KCNK2: variants seen among roughly 807,000 people sequenced by gnomAD.
The protein encoded by KCNK2 is potassium channel subfamily K member 2.
In KCNK2, 21 loss-of-function variants were observed where a neutral mutation model predicts 40.5. That is an observed-to-expected ratio of 0.52 (90% CI 0.37 to 0.75). The LOEUF (loss-of-function observed/expected upper bound fraction) is 0.75, where lower values mean the gene tolerates loss of function less well. KCNK2 is among the 30% of genes least tolerant of loss of function. KCNK2 has a pLI of 0.00. For synonymous variants in KCNK2, 191 were observed against 202.2 expected (o/e 0.94, Z 0.47); for missense variants, 399 against 531.6 (o/e 0.75, Z 2.45).
At chr1:215,056,468 A>G (rs562575879) in intron 1 of KCNK2, among the ~76,000 whole-genome samples, 3 of 139,286 alleles carry the variant, frequency 2.2e-5, no homozygotes, top group East Asian at 4.5e-4. Context: ...TTGTACCACT[A>G]TACTCCAGGC....
At chr1:215,150,721 T>C (rs1187125605) in intron 3 of KCNK2, among the ~76,000 whole-genome samples, 1 of 152,076 alleles carries the variant, frequency 6.6e-6, no homozygotes, top group Non-Finnish European at 1.5e-5. Context: ...TTCAGCTATT[T>C]TACTAAGCTT....
intron 6 of KCNK2, among the ~76,000 whole-genome samples, chr1:215,229,500 C>T (rs531441339): frequency 1.3e-5 from 2 of 151,484 alleles, no homozygotes; most frequent in Non-Finnish European, 1.5e-5. Context: ...TCTATCTGTA[C>T]AAAAAATTAA....
chr1:215,072,398 G>T (rs765657604), intron 1 of KCNK2, among the ~76,000 whole-genome samples: 73 of 152,180 alleles, frequency 4.8e-4, no homozygotes, highest in Non-Finnish European at 9.6e-4. Context: ...CTGCAACCAG[G>T]AGAACTTAAG....
chr1:215,172,244 A>G (rs949336633), intron 5 of KCNK2, 61 bp downstream of exon 5: 12 of 1,435,242 alleles, frequency 8.4e-6, no homozygotes, highest in South Asian at 2.6e-5. Context: ...TAGATTTTTC[A>G]CTTAGGTTTA....
At chr1:215,175,116 G>T (rs977033947) in intron 5 of KCNK2, among the ~76,000 whole-genome samples, 22 of 152,236 alleles carry the variant, frequency 1.4e-4, no homozygotes, top group Admixed American at 1.1e-3. Flanking sequence ...GTCATAAATA[G>T]CTGTTATTAT....
At chr1:215,110,780 C>T (rs2102562563) in intron 2 of KCNK2, among the ~76,000 whole-genome samples, 1 of 152,206 alleles carries the variant, frequency 6.6e-6, no homozygotes, top group Middle Eastern at 3.4e-3. Flanking sequence ...TCTCCATCAT[C>T]AACATCCTTC....
chr1:215,053,399 G>T (rs1658054628), intron 1 of KCNK2, among the ~76,000 whole-genome samples: 1 of 152,146 alleles, frequency 6.6e-6, no homozygotes, highest in Non-Finnish European at 1.5e-5. Context: ...TAGGACCCGG[G>T]TTTAGCCATT....
At chr1:215,139,750 A>G (rs1019927042) in intron 3 of KCNK2, among the ~76,000 whole-genome samples, 50 of 152,154 alleles carry the variant, frequency 3.3e-4, no homozygotes, top group Non-Finnish European at 8.8e-5. Flanking sequence ...ATGGTATGAC[A>G]TATATATGTA....
intron 1 of KCNK2, among the ~76,000 whole-genome samples, chr1:215,012,290 C>A (rs577911863): frequency 6.6e-6 from 1 of 152,218 alleles, no homozygotes; most frequent in East Asian, 1.9e-4. Context: ...GTCCTAGTTA[C>A]TTCGCATTTT....
At chr1:215,102,616 T>G (rs1558092047) in intron 2 of KCNK2, among the ~76,000 whole-genome samples, 1 of 152,058 alleles carries the variant, frequency 6.6e-6, no homozygotes, top group Non-Finnish European at 1.5e-5. Flanking sequence ...GTCCTAGGCC[T>G]TCTCATTCAC....
Position 215,234,549 on chromosome 1 carries a change from G to A in KCNK2, c.964-279G>A, listed in dbSNP as rs538022851. Reference sequence around the variant, plus strand: ...ACAGCATCAAAAATTTCAATGACAGGATTCATGTATAAAAAACAAGCACAT... The same window carrying A: ...ACAGCATCAAAAATTTCAATGACAGAATTCATGTATAAAAAACAAGCACAT... On this transcript the variant is annotated intron_variant, in intron 6 of 6. Coordinates refer to ENST00000444842, the MANE Select transcript of KCNK2 (RefSeq NM_001017425.3). 2.6e-5 allele frequency among the ~76,000 whole-genome samples: 3 copies of A among 114,226 alleles called. No homozygotes were observed. In the South Asian group the frequency reaches 7.1e-4, roughly 27 times the overall value. 74.9% of individuals were successfully genotyped at this position (114,226 alleles called of 152,430 possible).
rs1666918387 is a variant in KCNK2, at chr1:215,236,824, C to T, written c.*1679C>T. The T allele has an allele frequency of 6.6e-6, 1 of 151,856 alleles. No homozygotes were observed. The highest frequency in any genetic ancestry group is 1.5e-5 in the Non-Finnish European group (1 of 67,958). The allele number at this position is 151,856 out of a possible 1,614,324, so 9.4% of individuals were successfully genotyped here. ...AGATTAGGGTCTTGAAAAATAAACC[C>T]AGAATCTTTAAAAGAAGCAAATAAA... On this transcript the variant is annotated 3_prime_UTR_variant, in exon 7 of 7. Coordinates refer to ENST00000444842, the MANE Select transcript of KCNK2 (RefSeq NM_001017425.3).
intron 6 of KCNK2, among the ~76,000 whole-genome samples, chr1:215,217,714 T>C (rs1333620348): frequency 1.3e-5 from 2 of 152,212 alleles, no homozygotes; most frequent in Non-Finnish European, 2.9e-5. Context: ...ATTTAATGGC[T>C]TTAAATTTTA....
chr1:215,186,470 A>G (rs1664443767), intron 5 of KCNK2, among the ~76,000 whole-genome samples: 1 of 152,174 alleles, frequency 6.6e-6, no homozygotes, highest in African/African-American at 2.4e-5. Context: ...TTATTTTTAT[A>G]TATCGTAATA....
chr1:215,050,754 A>G (rs1657957833), intron 1 of KCNK2, among the ~76,000 whole-genome samples: 1 of 152,194 alleles, frequency 6.6e-6, no homozygotes, highest in Admixed American at 6.5e-5. Flanking sequence ...AAACTGAGAT[A>G]TATGATCATC....
At chr1:215,131,900 A>T (rs2102590318) in intron 3 of KCNK2, among the ~76,000 whole-genome samples, 1 of 152,278 alleles carries the variant, frequency 6.6e-6, no homozygotes, top group East Asian at 1.9e-4. Flanking sequence ...TGGGGCTTTC[A>T]GTTGGCTTTT....
intron 5 of KCNK2, among the ~76,000 whole-genome samples, chr1:215,177,740 A>ATATATATATATTTTTT (rs71167812): frequency 2.0e-5 from 2 of 101,600 alleles, no homozygotes; most frequent in African/African-American, 3.5e-5. Flanking sequence ...ATATATATAT[A>ATATATATATATTTTTT]TTTTTTTTTT....
chr1:215,122,953 C>T (rs866041065), intron 2 of KCNK2, among the ~76,000 whole-genome samples: 37 of 151,736 alleles, frequency 2.4e-4, no homozygotes, highest in Admixed American at 3.3e-4. Context: ...ACCATGTTAG[C>T]CAGGATGGTC....
chr1:215,056,162 G>A (rs12029190), intron 1 of KCNK2, among the ~76,000 whole-genome samples: 1 of 151,794 alleles, frequency 6.6e-6, no homozygotes, highest in Non-Finnish European at 1.5e-5. Context: ...TACAAAATTA[G>A]CCGGGCATGG....
Sources: allele counts gnomAD v4.1 joint callset (sites outside exome capture counted in the v4.1 genomes callset), GRCh38; gene constraint gnomAD v4.1.1; transcripts MANE v1.5; gene names NCBI Gene and HGNC (gene_info 2026-07-23, HGNC 2026-07-21).